Variants in RASA3 observed in about 807,000 individuals in gnomAD.
The protein encoded by RASA3 is RAS p21 protein activator 3, also known as ras GTPase-activating protein 3.
A neutral mutation model predicts 110.0 loss-of-function variants in RASA3; 73 were observed. The observed-to-expected ratio is 0.66, with a 90% CI of 0.55 to 0.81. The LOEUF (loss-of-function observed/expected upper bound fraction) is 0.81. Among genes scored for constraint, RASA3 ranks in the 30% least tolerant of loss-of-function variants. RASA3 has a pLI of 0.00. For missense variants in RASA3, 976 were observed against 1,113.2 expected, an observed-to-expected ratio of 0.88 and a Z score of 1.75; for synonymous variants, 500 against 451.4, an observed-to-expected ratio of 1.11 and a Z score of -1.37.
intron 1 of RASA3, among the ~76,000 whole-genome samples, chr13:114,097,377 G>A (rs553819409): frequency 6.6e-6 from 1 of 152,304 alleles, no homozygotes; most frequent in African/African-American, 2.4e-5. Context: ...CCCACAGGGC[G>A]CCAGGAGCAA....
At position 114,073,755 on chromosome 13, in the gene RASA3, C is replaced by T; in HGVS notation, c.138G>A (p.Glu46=). The T allele has an allele frequency of 6.2e-7, 1 of 1,614,218 alleles. No homozygotes were observed. ...TTTCCACAATTTTGGTCCTGAAAAC[C>T]TCCTCCTGGTCCAGGTTCACCGTGC... is the stretch of plus-strand genomic sequence containing the variant. ...CYCTVNLDQE[E]VFRTKIVEKS... The change falls in exon 2 of 24, where the codon GAG becomes GAA. Residue 46 remains glutamate, a synonymous_variant. Transcript: ENST00000334062.
intron 7 of RASA3, 37 bp from the exon 8 acceptor site, chr13:114,024,392 G>A (rs1174851262): frequency 6.3e-7 from 1 of 1,596,984 alleles, no homozygotes; most frequent in Non-Finnish European, 8.6e-7. Context: ...TGAGACCGCG[G>A]TGCCACCAGG....
chr13:114,131,083 T>C (rs1271308843), intron 1 of RASA3, among the ~76,000 whole-genome samples: 3 of 152,262 alleles, frequency 2.0e-5, no homozygotes, highest in African/African-American at 7.2e-5. Context: ...AAAGCGGAAG[T>C]GCTGCCACAT....
intron 1 of RASA3, among the ~76,000 whole-genome samples, chr13:114,122,127 G>A (rs925899831): frequency 6.6e-6 from 1 of 152,248 alleles, no homozygotes; most frequent in Non-Finnish European, 1.5e-5. Flanking sequence ...CTTCCAGGCT[G>A]CGCAGCCGGC....
chr13:114,038,335 C>T (rs1272983618), intron 4 of RASA3, among the ~76,000 whole-genome samples: 1 of 152,262 alleles, frequency 6.6e-6, no homozygotes, highest in African/African-American at 2.4e-5. Context: ...CGCCAAGGTC[C>T]GTGGGAGCAG....
At chr13:114,098,463 G>A (rs913890899) in intron 1 of RASA3, among the ~76,000 whole-genome samples, 1 of 152,168 alleles carries the variant, frequency 6.6e-6, no homozygotes, top group Non-Finnish European at 1.5e-5. Context: ...CAGCAGGGCT[G>A]CAGGCGCCCA....
chr13:114,067,238 C>T (rs1410262346), intron 2 of RASA3, among the ~76,000 whole-genome samples: 2 of 145,842 alleles, frequency 1.4e-5, no homozygotes, highest in Non-Finnish European at 3.0e-5. Context: ...TGAGGATGGG[C>T]CCCCACCTGC....
intron 1 of RASA3, among the ~76,000 whole-genome samples, chr13:114,124,238 G>T (rs991614313): frequency 6.6e-6 from 1 of 152,188 alleles, no homozygotes; most frequent in Non-Finnish European, 1.5e-5. Context: ...ATTTGAAAAC[G>T]AAAACTAAGA....
intron 8 of RASA3, among the ~76,000 whole-genome samples, chr13:114,023,894 G>C (rs968377009): frequency 6.6e-6 from 1 of 152,214 alleles, no homozygotes; most frequent in Admixed American, 6.5e-5. Flanking sequence ...GTGCCAGTGG[G>C]TCCTGCTCGG....
chr13:114,028,714 T>TG (rs780235986), intron 5 of RASA3, among the ~76,000 whole-genome samples: 2 of 67,272 alleles, frequency 3.0e-5, no homozygotes, highest in Admixed American at 1.5e-4. Context: ...GGCATCATCC[T>TG]GGGGCCAGGA....
chr13:114,024,490 C>T, intron 7 of RASA3, 135 bp from the exon 8 acceptor site: 4 of 791,564 alleles, frequency 5.1e-6, no homozygotes, highest in Non-Finnish European at 8.5e-6. Context: ...AGGAAGGCGC[C>T]AGGCGGGATT....
At chr13:114,020,918 G>C (rs995292370) in intron 9 of RASA3, among the ~76,000 whole-genome samples, 1 of 152,230 alleles carries the variant, frequency 6.6e-6, no homozygotes, top group Non-Finnish European at 1.5e-5. Context: ...TGCACCGGCT[G>C]CTGATGCCCT....
chr13:114,066,076 G>A (rs2079444016), intron 2 of RASA3, among the ~76,000 whole-genome samples: 1 of 151,602 alleles, frequency 6.6e-6, no homozygotes. Flanking sequence ...CACACCACAC[G>A]CCACACACCA....
chr13:114,013,513 GTC>G (rs1185664091), intron 14 of RASA3, among the ~76,000 whole-genome samples: 1 of 114,322 alleles, frequency 8.7e-6, no homozygotes, highest in Non-Finnish European at 1.8e-5. Flanking sequence ...CCCTCTATTT[GTC>G]TCTCTCTCAT....
Position 113,979,412 on chromosome 13 carries a change from TG to T in RASA3, c.2439del (p.Ile814SerfsTer55). 6.2e-7 allele frequency: 1 copy of T among 1,600,866 alleles called. No homozygotes were observed. The highest frequency in any genetic ancestry group is 8.6e-7 in the Non-Finnish European group (1 of 1,168,218). On this transcript the variant is annotated frameshift_variant, in exon 24 of 24. Coordinates refer to ENST00000334062, the MANE Select transcript of RASA3 (RefSeq NM_007368.4). LOFTEE classifies it high-confidence loss of function. ...TAGTTCTGGAAGCTCTTGTCTCCGA[TG>T]GGGTGCTCCCTGAAAAGGGGGATGG... ...KKTKYGSQEH[P>X]IGDKSFQNYI...
chr13:113,996,348 G>A (rs1355832371), intron 21 of RASA3, among the ~76,000 whole-genome samples, 183 bp downstream of exon 21: 1 of 152,180 alleles, frequency 6.6e-6, no homozygotes, highest in East Asian at 1.9e-4. Flanking sequence ...CCAGAGGCTG[G>A]GCCCCAGATG....
chr13:114,068,753 G>A (rs2079500785), intron 2 of RASA3, among the ~76,000 whole-genome samples: 1 of 152,188 alleles, frequency 6.6e-6, no homozygotes, highest in Non-Finnish European at 1.5e-5. Context: ...TGCTCTAAAA[G>A]GTATGGATTG....
intron 4 of RASA3, among the ~76,000 whole-genome samples, chr13:114,035,459 A>C (rs2054262251): frequency 6.6e-6 from 1 of 152,210 alleles, no homozygotes; most frequent in South Asian, 2.1e-4. Flanking sequence ...GGGTGTATGG[A>C]AACTCTGTAC....
At chr13:114,052,951 C>A (rs866459445) in intron 2 of RASA3, among the ~76,000 whole-genome samples, 15 of 110,908 alleles carry the variant, frequency 1.4e-4, no homozygotes, top group African/African-American at 4.0e-4. Flanking sequence ...AGTCCTCGCT[C>A]CTGGGGGAGA....
Sources: gnomAD v4.1 joint callset for allele counts (sites outside exome capture counted in the v4.1 genomes callset) on GRCh38, gnomAD v4.1.1 for gene constraint, MANE v1.5 for transcripts, NCBI Gene and HGNC (gene_info 2026-07-23, HGNC 2026-07-21) for gene names.